CNRIP1: variants seen among roughly 807,000 people sequenced by gnomAD.
The protein encoded by CNRIP1 is CB1 cannabinoid receptor-interacting protein 1.
CNRIP1 carries 10 observed loss-of-function variants against 15.2 expected under a neutral mutation model. The ratio of observed to expected loss-of-function variants is 0.66; its 90% CI spans 0.41 to 1.12. The LOEUF (loss-of-function observed/expected upper bound fraction) is 1.12. CNRIP1 is among the 50% of genes most tolerant of loss of function. The pLI is 0.00. For missense variants in CNRIP1, 211 were observed against 214.7 expected (o/e 0.98, Z 0.11); for synonymous variants, 91 against 83.2 (o/e 1.09, Z -0.51).
At chr2:68,289,048 A>T (rs1036457532), downstream of CNRIP1, among the ~76,000 whole-genome samples, 5 of 152,348 alleles carry the variant, frequency 3.3e-5, no homozygotes, top group Admixed American at 3.3e-4. Flanking sequence ...TGAATCTCTG[A>T]GACATTTTTC....
rs555273627 is a variant in CNRIP1, at chr2:68,319,699, G to C, written c.-299C>G. On this transcript the variant is annotated 5_prime_UTR_variant, in exon 1 of 3. Coordinates refer to ENST00000263655, the MANE Select transcript of CNRIP1 (RefSeq NM_015463.3). ...TGCTGCGCCCTCCACGCACCCGAAGGCTCGCTCTGGCCCGCAGGCCGCCGC... is the reference window on the plus strand; with the variant it reads ...TGCTGCGCCCTCCACGCACCCGAAGCCTCGCTCTGGCCCGCAGGCCGCCGC... 7 of 355,122 alleles carry C rather than the reference G, an allele frequency of 2.0e-5. No individual in the cohort carries two copies. The highest frequency in any genetic ancestry group is 1.5e-4 in the African/African-American group (7 of 45,944). The allele number at this position is 355,122 out of a possible 1,614,324, so 22.0% of individuals were successfully genotyped here. A position where few individuals can be genotyped will look rare whatever the true frequency, so the allele number is the denominator to read the frequency against.
rs1427493284 is a variant in CNRIP1, at chr2:68,317,226, A to G, written c.261T>C (p.Gly87=). ...GGGTCACACCTTCTGTGTCATATGT[A>G]CCCGTATAAACAACTCTGTCCCCAT... is the stretch of plus-strand genomic sequence containing the variant. The part of the protein sequence containing the change: ...EPDGDRVVYT[G]TYDTEGVTPT... Residue 87 remains glycine, a synonymous_variant, in exon 2 of 3, where the codon GGT becomes GGC. Transcript: ENST00000263655. The G allele has an allele frequency of 1.9e-6, 3 of 1,613,950 alleles. No homozygotes were observed.
chr2:68,294,146 T>C (rs1158712816), intron 2 of CNRIP1, 120 bp from the exon 3 acceptor site: 1 of 1,034,242 alleles, frequency 9.7e-7, no homozygotes, highest in Non-Finnish European at 1.4e-6. Flanking sequence ...ATTCTCTTGG[T>C]CTGCAAGGCT....
chr2:68,301,384 G>T (rs937518798), intron 2 of CNRIP1, among the ~76,000 whole-genome samples: 1 of 152,050 alleles, frequency 6.6e-6, no homozygotes, highest in East Asian at 1.9e-4. Context: ...TCATTAAGGG[G>T]CATTGACAAA....
rs559484744 is a variant in CNRIP1 at position 68,299,488 on chromosome 2, G to A, written c.331-5462C>T. On this transcript the variant is annotated intron_variant, in intron 2 of 2. Transcript: ENST00000263655. ...GATGATCTCTTCTTCTGCCGTATGA[G>A]GATACATCAAGAAAGTGTCTATGGA... 4.4e-4 allele frequency among the ~76,000 whole-genome samples: 67 copies of A among 152,256 alleles called. 1 individual carries two copies. The highest frequency in any genetic ancestry group is 6.8e-3 in the Middle Eastern group (2 of 294).
intron 2 of CNRIP1, among the ~76,000 whole-genome samples, chr2:68,303,786 G>T (rs1456903725): frequency 1.3e-5 from 2 of 152,168 alleles, no homozygotes; most frequent in Non-Finnish European, 1.5e-5. Context: ...TCCATTAAAA[G>T]GTTGGAGAGT....
Position 68,317,237 on chromosome 2 carries a change from C to A in CNRIP1, c.250G>T (p.Val84Phe). ...TCTGTGTCATATGTACCCGTATAAA[C>A]AACTCTGTCCCCATCAGGCTCTTTA... ...KSKEPDGDRVVYTGTYDTEGV... is the reference protein window; with the variant it reads ...KSKEPDGDRVFYTGTYDTEGV... Residue 84 changes from valine to phenylalanine, a missense_variant, in exon 2 of 3, where the codon GTT becomes TTT. Transcript: ENST00000263655. 1.2e-6 allele frequency: 2 copies of A among 1,614,202 alleles called. No individual in the cohort carries two copies.
intron 2 of CNRIP1, among the ~76,000 whole-genome samples, chr2:68,305,792 C>A (rs1671818250): frequency 9.1e-6 from 1 of 110,062 alleles, no homozygotes; most frequent in African/African-American, 3.6e-5. Flanking sequence ...AAAGACTCTT[C>A]CAAAAAAAAA....
intron 2 of CNRIP1, among the ~76,000 whole-genome samples, chr2:68,285,538 C>T (rs770408610): frequency 6.6e-6 from 1 of 151,118 alleles, no homozygotes; most frequent in Non-Finnish European, 1.5e-5. Flanking sequence ...CCTGTGGTCC[C>T]AAATACTTGG....
At chr2:68,294,125 AC>A in intron 2 of CNRIP1, 99 bp from the exon 3 acceptor site, 1 of 1,279,794 alleles carries the variant, frequency 7.8e-7, no homozygotes, top group Non-Finnish European at 1.1e-6. Flanking sequence ...AATCAAGCAG[AC>A]CCAGTCCAGA....
chr2:68,297,246 G>C (rs528414855), intron 2 of CNRIP1, among the ~76,000 whole-genome samples: 132 of 152,214 alleles, frequency 8.7e-4, no homozygotes, highest in Non-Finnish European at 1.6e-3. Context: ...AAATTGGAAT[G>C]GTTCATTAAA....
At chr2:68,314,943 C>T (rs186515355) in intron 2 of CNRIP1, among the ~76,000 whole-genome samples, 6 of 151,898 alleles carry the variant, frequency 4.0e-5, no homozygotes, top group African/African-American at 1.4e-4. Flanking sequence ...TACACAAATG[C>T]CACTGTGTAT....
At chr2:68,307,085 C>G (rs187110528) in intron 2 of CNRIP1, among the ~76,000 whole-genome samples, 2 of 152,094 alleles carry the variant, frequency 1.3e-5, no homozygotes, top group Admixed American at 1.3e-4. Context: ...TTCACATATA[C>G]GTATTTTACA....
intron 2 of CNRIP1, among the ~76,000 whole-genome samples, chr2:68,294,767 C>T (rs1201797741): frequency 1.3e-5 from 2 of 152,180 alleles, no homozygotes; most frequent in Non-Finnish European, 2.9e-5. Context: ...ATGCCTACAT[C>T]TTGGGCTTAG....
chr2:68,305,622 C>A (rs573633935), intron 2 of CNRIP1, among the ~76,000 whole-genome samples: 2 of 151,154 alleles, frequency 1.3e-5, no homozygotes, highest in African/African-American at 2.4e-5. Flanking sequence ...GGTGAAACCC[C>A]GTCTCTACTA....
intron 2 of CNRIP1, among the ~76,000 whole-genome samples, chr2:68,284,718 A>G (rs1192989689): frequency 6.6e-6 from 1 of 151,150 alleles, no homozygotes; most frequent in Non-Finnish European, 1.5e-5. Flanking sequence ...AGGCTGAGGC[A>G]GAGAATCACT....
intron 2 of CNRIP1, among the ~76,000 whole-genome samples, chr2:68,311,073 T>C (rs1332928883): frequency 6.6e-6 from 1 of 152,120 alleles, no homozygotes; most frequent in Non-Finnish European, 1.5e-5. Context: ...CAACATATGT[T>C]TAGTTGGGGT....
At chr2:68,317,451 G>T (rs1672318903) in intron 1 of CNRIP1, 144 bp from the exon 2 acceptor site, 5 of 779,418 alleles carry the variant, frequency 6.4e-6, no homozygotes, top group Middle Eastern at 3.1e-4. Flanking sequence ...GCAAGTTCAG[G>T]GGGCAGTGCT....
Position 68,319,493 on chromosome 2 carries a change from C to T in CNRIP1, c.-93G>A. On this transcript the variant is annotated 5_prime_UTR_variant, in exon 1 of 3. Transcript: ENST00000263655. ...TGGAGCGCGAGGGGCGGAGAGGAAG[C>T]GCGGGGAGGGTGAGGGAGGTGGTGG... 1.5e-6 allele frequency: 2 copies of T among 1,315,502 alleles called. No individual in the cohort carries two copies. The highest frequency in any genetic ancestry group is 2.0e-6 in the Non-Finnish European group (2 of 997,396). The allele number at this position is 1,315,502 out of a possible 1,614,324, so 81.5% of individuals were successfully genotyped here.
Sources: gnomAD v4.1 joint callset for allele counts (sites outside exome capture counted in the v4.1 genomes callset) on GRCh38, gnomAD v4.1.1 for gene constraint, MANE v1.5 for transcripts, NCBI Gene and HGNC (gene_info 2026-07-23, HGNC 2026-07-21) for gene names.